ROBO1: variants seen among roughly 807,000 people sequenced by gnomAD.
ROBO1 encodes the protein roundabout homolog 1.
ROBO1 carries 149 observed loss-of-function variants against 195.9 expected under a neutral mutation model. The ratio of observed to expected loss-of-function variants is 0.76; its 90% CI spans 0.67 to 0.87. ROBO1 has a LOEUF of 0.87. ROBO1 is among the 40% of genes least tolerant of loss of function. The pLI is 0.00. For missense variants in ROBO1, 1,933 were observed against 2,068.3 expected, an observed-to-expected ratio of 0.93 and a Z score of 1.27; for synonymous variants, 816 against 733.2, an observed-to-expected ratio of 1.11 and a Z score of -1.82.
chr3:79,564,047 A>G (rs1943012330), intron 2 of ROBO1, among the ~76,000 whole-genome samples: 1 of 151,756 alleles, frequency 6.6e-6, no homozygotes, highest in Non-Finnish European at 1.5e-5. Flanking sequence ...AAAAAAAAAC[A>G]TAATGAAAGG....
intron 2 of ROBO1, 62 bp from the exon 3 acceptor site, chr3:79,125,601 G>A (rs2080201562): frequency 3.3e-6 from 4 of 1,229,152 alleles, no homozygotes; most frequent in Admixed American, 1.8e-5. Flanking sequence ...TTGCCATTTC[G>A]ATCACAGCAT....
intron 2 of ROBO1, among the ~76,000 whole-genome samples, chr3:79,301,541 T>G (rs191260746): frequency 6.6e-6 from 1 of 152,364 alleles, no homozygotes; most frequent in Admixed American, 6.5e-5. Flanking sequence ...TTTCAACCTC[T>G]GTAGGAGTCT....
At chr3:78,985,650 C>A (rs527711537) in intron 3 of ROBO1, among the ~76,000 whole-genome samples, 1 of 152,112 alleles carries the variant, frequency 6.6e-6, no homozygotes, top group African/African-American at 2.4e-5. Context: ...GCATCCTTGG[C>A]CTCTACTCAC....
rs776488889 is a variant in ROBO1, at chr3:79,141,827, A to G, written c.89-16288T>C. On this transcript the variant is annotated intron_variant, in intron 2 of 30. Coordinates refer to ENST00000464233, the MANE Select transcript of ROBO1 (RefSeq NM_002941.4). ...AGCTGAATTTTAAAATGACATTCCCATTTCTCGCTAATTCAGTCTTATTAC... is the reference window on the plus strand; with the variant it reads ...AGCTGAATTTTAAAATGACATTCCCGTTTCTCGCTAATTCAGTCTTATTAC... Among the ~76,000 whole-genome samples the G allele has an allele frequency of 2.6e-5, 4 of 152,208 alleles. No homozygotes were observed. In the South Asian group the frequency reaches 8.3e-4, roughly 32 times the overall value.
intron 3 of ROBO1, among the ~76,000 whole-genome samples, chr3:79,008,733 C>T (rs2077688600): frequency 6.9e-6 from 1 of 145,950 alleles, no homozygotes; most frequent in Non-Finnish European, 1.5e-5. Context: ...AGACTAAAAG[C>T]ATGCACCACT....
At chr3:79,515,361 A>G (rs1940899335) in intron 2 of ROBO1, among the ~76,000 whole-genome samples, 1 of 152,222 alleles carries the variant, frequency 6.6e-6, no homozygotes, top group Non-Finnish European at 1.5e-5. Context: ...TATTCTTACT[A>G]GGCAGTATTC....
intron 2 of ROBO1, among the ~76,000 whole-genome samples, chr3:79,270,900 T>C (rs556567785): frequency 2.0e-5 from 3 of 152,094 alleles, no homozygotes; most frequent in African/African-American, 7.2e-5. Context: ...ATATAAATAT[T>C]CATCCTTTAA....
chr3:79,471,018 G>A (rs1938243466), intron 2 of ROBO1, among the ~76,000 whole-genome samples: 1 of 152,078 alleles, frequency 6.6e-6, no homozygotes, highest in Non-Finnish European at 1.5e-5. Flanking sequence ...GCAGCCAGTT[G>A]ATTTTCAACA....
At chr3:78,832,281 G>A (rs1334973115) in intron 4 of ROBO1, among the ~76,000 whole-genome samples, 2 of 152,066 alleles carry the variant, frequency 1.3e-5, no homozygotes, top group Admixed American at 1.3e-4. Context: ...TTTCTCCACA[G>A]TCTCTTTCCT....
intron 2 of ROBO1, among the ~76,000 whole-genome samples, chr3:79,220,816 G>T (rs1457495880): frequency 6.6e-6 from 1 of 151,966 alleles, no homozygotes; most frequent in Non-Finnish European, 1.5e-5. Flanking sequence ...ATCTCCTCAG[G>T]TTTTGTTCAC....
intron 2 of ROBO1, among the ~76,000 whole-genome samples, chr3:79,561,556 G>C (rs1195787372): frequency 1.3e-5 from 2 of 152,162 alleles, no homozygotes; most frequent in African/African-American, 4.8e-5. Flanking sequence ...TCATGCTGTA[G>C]ATTGTAAATT....
intron 2 of ROBO1, among the ~76,000 whole-genome samples, chr3:79,263,372 G>T (rs181492976): frequency 1.3e-5 from 2 of 152,128 alleles, no homozygotes; most frequent in Non-Finnish European, 2.9e-5. Flanking sequence ...ATCAGGGCTG[G>T]GTGCCATGGC....
At chr3:79,368,536 G>T (rs1165039477) in intron 2 of ROBO1, among the ~76,000 whole-genome samples, 1 of 151,998 alleles carries the variant, frequency 6.6e-6, no homozygotes, top group Non-Finnish European at 1.5e-5. Context: ...TGAGCTGTTA[G>T]GTACTACAAA....
intron 2 of ROBO1, among the ~76,000 whole-genome samples, chr3:79,580,918 G>C (rs1943640833): frequency 6.6e-6 from 1 of 151,962 alleles, no homozygotes; most frequent in Non-Finnish European, 1.5e-5. Context: ...ATGAATTATT[G>C]ATTCAGCAAT....
intron 3 of ROBO1, among the ~76,000 whole-genome samples, chr3:78,947,838 G>A (rs1560035385): frequency 6.6e-6 from 1 of 152,026 alleles, no homozygotes; most frequent in Non-Finnish European, 1.5e-5. Context: ...TGATAAAGGG[G>A]ATAACACCAC....
chr3:78,945,146 C>T (rs2040357548), intron 3 of ROBO1, among the ~76,000 whole-genome samples: 1 of 152,174 alleles, frequency 6.6e-6, no homozygotes, highest in Non-Finnish European at 1.5e-5. Flanking sequence ...TTAAATGTCC[C>T]TCTCTGACAG....
chr3:78,998,259 A>G (rs1462571667), intron 3 of ROBO1, among the ~76,000 whole-genome samples: 1 of 152,168 alleles, frequency 6.6e-6, no homozygotes, highest in Non-Finnish European at 1.5e-5. Flanking sequence ...ACATACGTCT[A>G]ATCTTAAGTA....
At chr3:79,224,530 C>CA (rs1244437287) in intron 2 of ROBO1, among the ~76,000 whole-genome samples, 1 of 152,134 alleles carries the variant, frequency 6.6e-6, no homozygotes, top group Non-Finnish European at 1.5e-5. Flanking sequence ...TCTTGTAATA[C>CA]AAAAGTGACT....
At chr3:78,786,525 T>C (rs1273172730) in intron 4 of ROBO1, among the ~76,000 whole-genome samples, 1 of 152,110 alleles carries the variant, frequency 6.6e-6, no homozygotes, top group Non-Finnish European at 1.5e-5. Flanking sequence ...CCCACCCCAA[T>C]CTCATCTTGA....
Sources: allele counts gnomAD v4.1 joint callset (sites outside exome capture counted in the v4.1 genomes callset), GRCh38; gene constraint gnomAD v4.1.1; transcripts MANE v1.5; gene names NCBI Gene and HGNC (gene_info 2026-07-23, HGNC 2026-07-21).